Variants in MYH7B observed in about 807,000 individuals in gnomAD.
MYH7B encodes the protein myosin-7B.
MYH7B carries 205 observed loss-of-function variants against 234.5 expected under a neutral mutation model. The observed-to-expected ratio is 0.87, with a 90% CI of 0.78 to 0.98. MYH7B has a LOEUF of 0.98. Ranked by LOEUF, MYH7B falls within the 50% of genes least tolerant of loss-of-function variation. The pLI is 0.00. For synonymous variants in MYH7B, 1,193 were observed against 1,105.0 expected, an observed-to-expected ratio of 1.08 and a Z score of -1.58; for missense variants, 2,652 against 2,633.4, an observed-to-expected ratio of 1.01 and a Z score of -0.15.
chr20:34,981,225 C>T, intron 9 of MYH7B, 165 bp downstream of exon 9: 1 of 781,980 alleles, frequency 1.3e-6, no homozygotes, highest in Non-Finnish European at 2.1e-6. Context: ...TGAGCACTTT[C>T]CCTGCCCCCA....
intron 8 of MYH7B, 46 bp downstream of exon 8, chr20:34,980,780 G>A: frequency 1.3e-6 from 2 of 1,598,398 alleles, no homozygotes; most frequent in African/African-American, 1.3e-5. Context: ...CCCGACCTCG[G>A]TCCCGGGAGG....
exon 12 of MYH7B, chr20:34,984,917 A>T: frequency 6.2e-7 from 1 of 1,613,984 alleles, no homozygotes; most frequent in South Asian, 1.1e-5. Context: ...CAACGCCAAG[A>T]CCCTGAGGAA....
intron 34 of MYH7B, 35 bp from the exon 35 acceptor site, chr20:34,998,684 C>A: frequency 1.2e-6 from 2 of 1,612,020 alleles, no homozygotes; most frequent in Non-Finnish European, 8.5e-7. Flanking sequence ...AGCCACTGGG[C>A]TGCACTAACG....
chr20:34,981,123 A>T (rs2081935886), intron 9 of MYH7B, 63 bp downstream of exon 9: 4 of 1,593,512 alleles, frequency 2.5e-6, no homozygotes, highest in Non-Finnish European at 3.4e-6. Context: ...AGAGGGCGGT[A>T]CCACAGTCAT....
intron 22 of MYH7B, 73 bp downstream of exon 22, chr20:34,990,383 C>CA: frequency 6.5e-7 from 1 of 1,532,940 alleles, no homozygotes; most frequent in East Asian, 2.2e-5. Flanking sequence ...CCTGCCCTGT[C>CA]CCCTGTGCCT....
At chr20:35,000,718 C>G (rs2082356341) in intron 39 of MYH7B, 29 bp downstream of exon 39, 5 of 1,603,744 alleles carry the variant, frequency 3.1e-6, no homozygotes, top group Non-Finnish European at 4.3e-6. Context: ...GGGGACAGAG[C>G]AGGTGCAGGC....
At chr20:34,995,434 G>GGAGGAT (rs751997387) in exon 28 of MYH7B, 1 of 1,613,704 alleles carries the variant, frequency 6.2e-7, no homozygotes, top group South Asian at 1.1e-5. Flanking sequence ...GTGAGCGGCT[G>GGAGGAT]GAGGATGAGG....
chr20:34,956,163 A>G (rs976339104), intron 1 of MYH7B, 156 bp downstream of exon 1: 1 of 152,146 alleles, frequency 6.6e-6, no homozygotes, highest in African/African-American at 2.4e-5. Context: ...GCAGGGGCCC[A>G]TAGTACGTCA....
At chr20:34,991,241 G>T in intron 24 of MYH7B, 120 bp downstream of exon 24, 1 of 719,536 alleles carries the variant, frequency 1.4e-6, no homozygotes, top group East Asian at 2.7e-5. Context: ...GGGACTGTGA[G>T]GGGCCTGGCC....
At position 34,986,711 on chromosome 20, in the gene MYH7B, C is replaced by T. The variant is rs1037303114; in HGVS notation, c.905-175C>T. Among the ~76,000 whole-genome samples, 3 of 152,140 alleles carry T rather than the reference C, an allele frequency of 2.0e-5. No homozygotes were observed. The South Asian group carries it at 6.2e-4, about 32-fold the overall frequency. ...GCCCTTCACTCTCAGTGCCCTCAGC[C>T]TTGGCAGGAGTGAGGATGAGAAACT... On this transcript the variant is annotated intron_variant, in intron 14 of 44. Coordinates refer to ENST00000262873, the Ensembl canonical transcript of MYH7B.
chr20:34,995,881 G>A (rs2147226628), intron 28 of MYH7B, among the ~76,000 whole-genome samples: 1 of 152,358 alleles, frequency 6.6e-6, no homozygotes, highest in African/African-American at 2.4e-5. Context: ...GCCCCTTGAG[G>A]GCAGGAACTC....
chr20:34,995,609 C>A (rs1230773899), intron 28 of MYH7B, 31 bp downstream of exon 28: 2 of 1,609,628 alleles, frequency 1.2e-6, no homozygotes, highest in Admixed American at 1.7e-5. Context: ...GGGGAAGGGC[C>A]CTGAGCCAGG....
intron 2 of MYH7B, among the ~76,000 whole-genome samples, chr20:34,959,523 G>C (rs1429388039): frequency 6.7e-6 from 1 of 149,808 alleles, no homozygotes; most frequent in Non-Finnish European, 1.5e-5. Flanking sequence ...TGTCACCCAG[G>C]CTGGAGTGCA....
chr20:34,959,660 G>A (rs573849860), intron 2 of MYH7B, among the ~76,000 whole-genome samples: 1 of 152,052 alleles, frequency 6.6e-6, no homozygotes, highest in South Asian at 2.1e-4. Context: ...TGTATTTTTA[G>A]TGGAGACAGG....
chr20:34,995,617 AGGGGCCAGCTTT>A (rs1452378832), intron 28 of MYH7B, 39 bp downstream of exon 28: 1 of 1,607,580 alleles, frequency 6.2e-7, no homozygotes, highest in Non-Finnish European at 8.5e-7. Context: ...GCCCTGAGCC[AGGGGCCAGCTTT>A]GGGGCCAGGT....
exon 32 of MYH7B, chr20:34,997,474 C>T: frequency 6.6e-7 from 1 of 1,519,598 alleles, no homozygotes. Context: ...CGGCACGAGG[C>T]CACAGTGGCG....
intron 16 of MYH7B, 81 bp from the exon 17 acceptor site, chr20:34,987,476 C>T (rs757601384): frequency 1.2e-5 from 17 of 1,440,418 alleles, no homozygotes; most frequent in Non-Finnish European, 1.5e-5. Flanking sequence ...ACTTCCCTCT[C>T]CTAGCCCCAG....
rs1361889223 is a variant in MYH7B at position 35,000,979 on chromosome 20, C to T, written c.5305-9C>T. 7.4e-6 allele frequency: 12 copies of T among 1,613,708 alleles called. No homozygotes were observed. The highest frequency in any genetic ancestry group is 2.2e-5 in the East Asian group (1 of 44,880). On this transcript the variant is annotated splice_polypyrimidine_tract_variant and intron_variant, in intron 40 of 44. Coordinates refer to ENST00000262873, the Ensembl canonical transcript of MYH7B. ...GCTGGGCACCTGACCAGCTCCTCCT[C>T]CCCAACAGGCGGCCATGATGGCCGA...
intron 30 of MYH7B, 145 bp from the exon 31 acceptor site, chr20:34,996,938 C>T: frequency 1.6e-6 from 2 of 1,270,828 alleles, no homozygotes; most frequent in Non-Finnish European, 2.2e-6. Context: ...AGCCAGGGTC[C>T]AGGGCTGAGG....
Sources: allele counts gnomAD v4.1 joint callset (sites outside exome capture counted in the v4.1 genomes callset), GRCh38; gene constraint gnomAD v4.1.1; transcripts MANE v1.5; gene names NCBI Gene and HGNC (gene_info 2026-07-23, HGNC 2026-07-21).